ST6GALNAC5: variants seen among roughly 807,000 people sequenced by gnomAD.
ST6GALNAC5 encodes the protein ST6 N-acetylgalactosaminide alpha-2,6-sialyltransferase 5, also known as alpha-N-acetylgalactosaminide alpha-2,6-sialyltransferase 5.
ST6GALNAC5 carries 27 observed loss-of-function variants against 33.6 expected under a neutral mutation model. That is an observed-to-expected ratio of 0.80 (90% CI 0.59 to 1.11). The LOEUF (loss-of-function observed/expected upper bound fraction) is 1.11. Ranked by LOEUF, ST6GALNAC5 falls within the 50% of genes least tolerant of loss-of-function variation. The pLI is 0.00. For missense variants in ST6GALNAC5, 428 were observed against 454.0 expected, an observed-to-expected ratio of 0.94 and a Z score of 0.52; for synonymous variants, 194 against 171.2, an observed-to-expected ratio of 1.13 and a Z score of -1.04.
At chr1:76,916,821 A>T (rs1646980818) in intron 2 of ST6GALNAC5, among the ~76,000 whole-genome samples, 1 of 152,162 alleles carries the variant, frequency 6.6e-6, no homozygotes, top group South Asian at 2.1e-4. Flanking sequence ...CGTTCCAAAC[A>T]ATGAGTTTTT....
intron 2 of ST6GALNAC5, among the ~76,000 whole-genome samples, chr1:76,894,966 A>C (rs1290411883): frequency 6.6e-6 from 1 of 152,004 alleles, no homozygotes; most frequent in African/African-American, 2.4e-5. Context: ...GATAAAGGAA[A>C]ATTATAGTCA....
chr1:76,963,736 C>A lies in ST6GALNAC5; in HGVS notation c.262-80468C>A, dbSNP rs758833168. The stretch of plus-strand genomic sequence containing the variant: ...TCCACAAAGATATCCATGTCCTAAT[C>A]CCCAGAACCTTTAAATGTGTTACCT... On this transcript the variant is annotated intron_variant, in intron 2 of 4. Coordinates refer to ENST00000477717, the MANE Select transcript of ST6GALNAC5 (RefSeq NM_030965.3). 6.0e-4 allele frequency among the ~76,000 whole-genome samples: 91 copies of A among 152,268 alleles called. No homozygotes were observed. The Middle Eastern group carries it at 0.01, about 17-fold the overall frequency.
rs568040772 is a variant in ST6GALNAC5 at position 77,037,876 on chromosome 1, G to A, written c.262-6328G>A. On this transcript the variant is annotated intron_variant, in intron 2 of 4. Coordinates refer to ENST00000477717, the MANE Select transcript of ST6GALNAC5 (RefSeq NM_030965.3). ...CCAACAGGATTGTCTGAGTTGTAAA[G>A]GGCAGAGAAAAAGAGGTATCAAGAA... Among the ~76,000 whole-genome samples, 3 of 152,248 alleles carry A rather than the reference G, an allele frequency of 2.0e-5. No individual in the cohort carries two copies. In the East Asian group the frequency reaches 5.8e-4, roughly 29 times the overall value.
chr1:76,938,756 T>C (rs1647256457), intron 2 of ST6GALNAC5, among the ~76,000 whole-genome samples: 1 of 152,116 alleles, frequency 6.6e-6, no homozygotes, highest in South Asian at 2.1e-4. Context: ...CTGGAACAAC[T>C]AGGAATTTTT....
chr1:76,930,553 A>G (rs1199000699), intron 2 of ST6GALNAC5, among the ~76,000 whole-genome samples: 3 of 152,098 alleles, frequency 2.0e-5, no homozygotes, highest in African/African-American at 4.8e-5. Context: ...AAGGAGCAAA[A>G]CTCAAATATA....
At chr1:76,926,601 G>A (rs1369147477) in intron 2 of ST6GALNAC5, among the ~76,000 whole-genome samples, 2 of 152,156 alleles carry the variant, frequency 1.3e-5, no homozygotes, top group Non-Finnish European at 2.9e-5. Flanking sequence ...TGAGTATGTA[G>A]GTTGTTTCTA....
At chr1:76,898,377 T>G (rs1322177722) in intron 2 of ST6GALNAC5, among the ~76,000 whole-genome samples, 1 of 152,228 alleles carries the variant, frequency 6.6e-6, no homozygotes, top group Non-Finnish European at 1.5e-5. Flanking sequence ...CATTGCTACT[T>G]GGCTGCCTCT....
chr1:76,959,014 T>A (rs1648118916), intron 2 of ST6GALNAC5, among the ~76,000 whole-genome samples: 1 of 152,176 alleles, frequency 6.6e-6, no homozygotes, highest in African/African-American at 2.4e-5. Context: ...TGCCTCCTCC[T>A]CTTTGCCAAG....
At chr1:77,007,321 C>T (rs1021530701) in intron 2 of ST6GALNAC5, among the ~76,000 whole-genome samples, 17 of 152,170 alleles carry the variant, frequency 1.1e-4, no homozygotes, top group African/African-American at 4.1e-4. Flanking sequence ...GAACCACATG[C>T]CCCAGCACCT....
chr1:76,904,011 A>G (rs1194774998), intron 2 of ST6GALNAC5, among the ~76,000 whole-genome samples: 2 of 152,164 alleles, frequency 1.3e-5, no homozygotes, highest in Non-Finnish European at 2.9e-5. Flanking sequence ...AAAACCATCC[A>G]ATTCCGTGAA....
intron 2 of ST6GALNAC5, among the ~76,000 whole-genome samples, chr1:76,925,321 G>C (rs1226917627): frequency 6.6e-6 from 1 of 151,930 alleles, no homozygotes; most frequent in Non-Finnish European, 1.5e-5. Flanking sequence ...GTATCACCTG[G>C]TTTTCTTAAA....
rs74090515 is a variant in ST6GALNAC5 at position 76,943,255 on chromosome 1, A to C, written c.261+74513A>C. Among the ~76,000 whole-genome samples, 576 of 152,230 alleles carry C rather than the reference A, an allele frequency of 3.8e-3. 5 individuals carry two copies. Among genetic ancestry groups the C allele is most frequent in the African/African-American group, 0.013 (552 of 41,570 alleles). On this transcript the variant is annotated intron_variant, in intron 2 of 4. Coordinates refer to ENST00000477717, the MANE Select transcript of ST6GALNAC5 (RefSeq NM_030965.3). Reference sequence around the variant, plus strand: ...AAAGTTACTTGCCCAACTTTCAAGGACATTATGTATGAGTTGGGACTCAAA... The same window carrying C: ...AAAGTTACTTGCCCAACTTTCAAGGCCATTATGTATGAGTTGGGACTCAAA...
chr1:76,972,250 G>A (rs895007628), intron 2 of ST6GALNAC5, among the ~76,000 whole-genome samples: 1 of 152,132 alleles, frequency 6.6e-6, no homozygotes, highest in African/African-American at 2.4e-5. Flanking sequence ...ATCAGCTCTT[G>A]TGAGACTTAT....
intron 2 of ST6GALNAC5, among the ~76,000 whole-genome samples, chr1:76,982,705 T>C (rs1649307429): frequency 6.6e-6 from 1 of 151,580 alleles, no homozygotes; most frequent in Admixed American, 6.6e-5. Flanking sequence ...CCAAGACACA[T>C]AATTGTCAGA....
In ST6GALNAC5 at chr1:76,870,649, A is replaced by T. The variant is rs1364702629; in HGVS notation, c.261+1907A>T. ...TTTCAATTTGGAGGGCGGGATGTTG[A>T]TACCCTACATGGGAAATTGAAATGA... On this transcript the variant is annotated intron_variant, in intron 2 of 4. Coordinates refer to ENST00000477717, the MANE Select transcript of ST6GALNAC5 (RefSeq NM_030965.3). Among the ~76,000 whole-genome samples the T allele has an allele frequency of 3.9e-5, 6 of 152,230 alleles. No individual in the cohort carries two copies. In the East Asian group the frequency reaches 5.8e-4, roughly 15 times the overall value.
At chr1:77,059,529 A>G (rs1187511469) in intron 4 of ST6GALNAC5, among the ~76,000 whole-genome samples, 1 of 152,182 alleles carries the variant, frequency 6.6e-6, no homozygotes, top group Admixed American at 6.5e-5. Context: ...AACAGGAAGT[A>G]TGTGATGTCC....
chr1:76,910,160 A>G (rs1646897137), intron 2 of ST6GALNAC5, among the ~76,000 whole-genome samples: 1 of 152,020 alleles, frequency 6.6e-6, no homozygotes, highest in East Asian at 1.9e-4. Flanking sequence ...GATAGAGTTC[A>G]TCTTAAAGTA....
chr1:76,978,174 TTTG>T (rs1432987374), intron 2 of ST6GALNAC5, among the ~76,000 whole-genome samples: 1 of 152,172 alleles, frequency 6.6e-6, no homozygotes, highest in Non-Finnish European at 1.5e-5. Flanking sequence ...AATCACATTG[TTTG>T]TTATTTTGTT....
intron 2 of ST6GALNAC5, among the ~76,000 whole-genome samples, chr1:76,944,710 G>C (rs1158178401): frequency 6.6e-6 from 1 of 152,058 alleles, no homozygotes; most frequent in Non-Finnish European, 1.5e-5. Context: ...CTTGATTAAG[G>C]GGCAAGGTCT....
Sources: allele counts gnomAD v4.1 joint callset (sites outside exome capture counted in the v4.1 genomes callset), GRCh38; gene constraint gnomAD v4.1.1; transcripts MANE v1.5; gene names NCBI Gene and HGNC (gene_info 2026-07-23, HGNC 2026-07-21).